The following ZNF30 variants were observed in gnomAD, a reference collection of about 807,000 sequenced individuals.
ZNF30 encodes zinc finger protein 30 (KOX 28).
In ZNF30, 15 loss-of-function variants were observed where a neutral mutation model predicts 13.2. The observed-to-expected ratio is 1.13, with a 90% CI of 0.76 to 1.75. ZNF30 has a LOEUF of 1.75. Ranked by LOEUF, ZNF30 falls within the 40% of genes most tolerant of loss-of-function variation. The pLI is 0.00. For missense variants in ZNF30, 726 were observed against 757.0 expected (o/e 0.96, Z 0.48); for synonymous variants, 223 against 256.6 (o/e 0.87, Z 1.25).
intron 4 of ZNF30, 151 bp from the exon 5 acceptor site, chr19:34,943,072 C>A (rs2013124583): frequency 7.0e-6 from 4 of 568,936 alleles, no homozygotes. Context: ...TTAATCTCTG[C>A]ATTCCTTTTT....
rs761544137 is a variant in ZNF30 at position 34,944,661 on chromosome 19, G to A, written c.1695G>A (p.Glu565=). 15 of 1,612,422 alleles carry A rather than the reference G, an allele frequency of 9.3e-6. No homozygotes were observed. Among genetic ancestry groups the A allele is most frequent in the Non-Finnish European group, 1.2e-5 (14 of 1,178,794 alleles). ...LIGHQSVHTG[E]KPFECKECGK... Reference sequence around the variant, plus strand: ...GACATCAGAGTGTTCACACTGGTGAGAAACCTTTTGAATGTAAGGAATGCG... The same window carrying A: ...GACATCAGAGTGTTCACACTGGTGAAAAACCTTTTGAATGTAAGGAATGCG... Residue 565 remains glutamate, a synonymous_variant, in exon 5 of 5, where the codon GAG becomes GAA. Transcript: ENST00000601142.
intron 4 of ZNF30, among the ~76,000 whole-genome samples, chr19:34,937,512 A>T (rs2012804324): frequency 6.6e-6 from 1 of 152,066 alleles, no homozygotes; most frequent in Non-Finnish European, 1.5e-5. Flanking sequence ...AGGGGGAATC[A>T]CTTCAAGCCA....
intron 4 of ZNF30, among the ~76,000 whole-genome samples, chr19:34,936,186 T>G (rs971806668): frequency 6.6e-6 from 1 of 152,174 alleles, no homozygotes; most frequent in Admixed American, 6.5e-5. Context: ...TAGTTTATGT[T>G]TTTAGATAAT....
rs572881646 is a variant in ZNF30 at position 34,945,138 on chromosome 19, C to A, written c.*300C>A. 50 of 275,184 alleles carry A rather than the reference C, an allele frequency of 1.8e-4. No individual in the cohort carries two copies. The highest frequency in any genetic ancestry group is 8.8e-4 in the African/African-American group (40 of 45,700). The allele number at this position is 275,184 out of a possible 1,614,324, so 17.0% of individuals were successfully genotyped here. On this transcript the variant is annotated 3_prime_UTR_variant, in exon 5 of 5. Coordinates refer to ENST00000601142, the MANE Select transcript of ZNF30 (RefSeq NM_194325.3). Reference sequence around the variant, plus strand: ...ATTTATTCTAATGTGATTGTATGAACAAGTGAATAAAAAACCTTGGACCTC... The same window carrying A: ...ATTTATTCTAATGTGATTGTATGAAAAAGTGAATAAAAAACCTTGGACCTC...
intron 4 of ZNF30, among the ~76,000 whole-genome samples, chr19:34,936,226 A>G (rs1209540129): frequency 1.6e-4 from 25 of 152,130 alleles, no homozygotes; most frequent in Non-Finnish European, 1.3e-4. Flanking sequence ...GGGTAGTCTG[A>G]ATGGGGGCAA....
intron 4 of ZNF30, among the ~76,000 whole-genome samples, chr19:34,940,417 C>T (rs946773269): frequency 2.0e-5 from 3 of 152,060 alleles, no homozygotes; most frequent in African/African-American, 7.2e-5. Context: ...CCTGTAATCC[C>T]AGCACCTTGG....
chr19:34,929,308 C>T (rs2012309599), intron 1 of ZNF30, among the ~76,000 whole-genome samples: 1 of 152,148 alleles, frequency 6.6e-6, no homozygotes, highest in Admixed American at 6.5e-5. Flanking sequence ...CAAAACAAAA[C>T]AAAACAAAAG....
At position 34,945,035 on chromosome 19, in the gene ZNF30, G is replaced by A; in HGVS notation, c.*197G>A. The A allele has an allele frequency of 1.9e-6, 1 of 539,912 alleles. No homozygotes were observed. The highest frequency in any genetic ancestry group is 3.0e-6 in the Non-Finnish European group (1 of 328,540). The allele number at this position is 539,912 out of a possible 1,614,324, so 33.4% of individuals were successfully genotyped here. A position where few individuals can be genotyped will look rare whatever the true frequency, so the allele number is the denominator to read the frequency against. ...GGTTTGTAATACCAATATTTATACT[G>A]GTGGACCATTCAGAAAAAGTGGGAA... is the stretch of plus-strand genomic sequence containing the variant. On this transcript the variant is annotated 3_prime_UTR_variant, in exon 5 of 5. Transcript: ENST00000601142.
chr19:34,925,860 C>G (rs1012273735), upstream of ZNF30, among the ~76,000 whole-genome samples: 2 of 151,978 alleles, frequency 1.3e-5, no homozygotes, highest in Non-Finnish European at 2.9e-5. Flanking sequence ...CCAGGAATCA[C>G]TGTAATGTGG....
intron 4 of ZNF30, among the ~76,000 whole-genome samples, chr19:34,934,713 C>T (rs1402678154): frequency 1.3e-5 from 2 of 152,056 alleles, no homozygotes; most frequent in African/African-American, 4.8e-5. Flanking sequence ...TATTATGAGG[C>T]AGATACCTTT....
intron 3 of ZNF30, among the ~76,000 whole-genome samples, chr19:34,932,512 A>T (rs1395847545): frequency 1.3e-5 from 2 of 152,170 alleles, no homozygotes; most frequent in Non-Finnish European, 2.9e-5. Flanking sequence ...GCAAAATAAC[A>T]ATAATAATGT....
upstream of ZNF30, chr19:34,926,723 TC>T (rs2012088319): frequency 2.6e-6 from 1 of 389,548 alleles, no homozygotes; most frequent in African/African-American, 2.1e-5. Context: ...TTTTGCTTTT[TC>T]TGACCTGGTG....
chr19:34,928,221 AT>A (rs66613979), intron 1 of ZNF30, among the ~76,000 whole-genome samples: 13,123 of 66,170 alleles, frequency 0.2, 1,610 homozygotes, highest in African/African-American at 0.41. Flanking sequence ...AAAAAAAAAA[AT>A]ATATATATAT....
intron 4 of ZNF30, among the ~76,000 whole-genome samples, chr19:34,940,619 G>A (rs1271294222): frequency 3.0e-5 from 4 of 132,844 alleles, no homozygotes; most frequent in Non-Finnish European, 6.1e-5. Context: ...AGTGAGCTGT[G>A]ATCGTACCAC....
At chr19:34,934,765 G>A (rs2012632447) in intron 4 of ZNF30, among the ~76,000 whole-genome samples, 1 of 151,984 alleles carries the variant, frequency 6.6e-6, no homozygotes, top group Non-Finnish European at 1.5e-5. Context: ...TTTTTACGGG[G>A]GCTGGGGGAC....
At chr19:34,932,981 A>G (rs1354745364) in intron 3 of ZNF30, among the ~76,000 whole-genome samples, 6 of 151,582 alleles carry the variant, frequency 4.0e-5, no homozygotes, top group Non-Finnish European at 1.5e-5. Flanking sequence ...GGGTTTCACC[A>G]TGTTGACCAG....
At chr19:34,928,222 T>A (rs8106533) in intron 1 of ZNF30, among the ~76,000 whole-genome samples, 22,435 of 75,630 alleles carry the variant, frequency 0.3, 2,655 homozygotes, top group African/African-American at 0.37. Flanking sequence ...AAAAAAAAAA[T>A]ATATATATAT....
At chr19:34,931,199 A>C (rs1351797275) in intron 2 of ZNF30, among the ~76,000 whole-genome samples, 1 of 152,006 alleles carries the variant, frequency 6.6e-6, no homozygotes. Flanking sequence ...CACAACGCCC[A>C]GCTAATTTTT....
intron 4 of ZNF30, among the ~76,000 whole-genome samples, chr19:34,941,704 T>C (rs1174893744): frequency 2.0e-5 from 3 of 152,354 alleles, no homozygotes; most frequent in East Asian, 3.9e-4. Context: ...AAGGCAGGTA[T>C]TGAGTTCAGT....
Sources: gnomAD v4.1 joint callset for allele counts (sites outside exome capture counted in the v4.1 genomes callset) on GRCh38, gnomAD v4.1.1 for gene constraint, MANE v1.5 for transcripts, NCBI Gene and HGNC (gene_info 2026-07-23, HGNC 2026-07-21) for gene names.